Variants in DNPEP observed in about 807,000 individuals in gnomAD.
The protein encoded by DNPEP is aspartyl aminopeptidase.
In DNPEP, 46 loss-of-function variants were observed where a neutral mutation model predicts 59.1. The observed-to-expected ratio is 0.78, with a 90% CI of 0.61 to 0.99. DNPEP has a LOEUF of 0.99. Among genes scored for constraint, DNPEP ranks in the 50% least tolerant of loss-of-function variants. The pLI is 0.00. For synonymous variants in DNPEP, 229 were observed against 242.2 expected (o/e 0.95, Z 0.50); for missense variants, 617 against 649.9 (o/e 0.95, Z 0.55).
At position 219,399,779 on chromosome 2, in the gene DNPEP, C is replaced by T. The variant is rs993676042; in HGVS notation, c.-158+161G>A. 8 of 1,109,648 alleles carry T rather than the reference C, an allele frequency of 7.2e-6. No homozygotes were observed. In the African/African-American group the frequency reaches 1.1e-4, roughly 15 times the overall value. The allele number at this position is 1,109,648 out of a possible 1,614,324, so 68.7% of individuals were successfully genotyped here. On this transcript the variant is annotated intron_variant, in intron 1 of 6. Coordinates refer to the DNPEP transcript ENST00000434339. Reference sequence around the variant, plus strand: ...CATTCATCTCTTTATCCCCATAATGCCTAAGCCAGTGCGTGGCTCATGGAA... The same window carrying T: ...CATTCATCTCTTTATCCCCATAATGTCTAAGCCAGTGCGTGGCTCATGGAA...
intron 13 of DNPEP, among the ~76,000 whole-genome samples, chr2:219,375,632 G>C (rs904828621): frequency 2.0e-5 from 3 of 152,126 alleles, no homozygotes; most frequent in African/African-American, 4.8e-5. Flanking sequence ...CGCAATCTCA[G>C]CTCGCTGCAA....
chr2:219,386,384 C>G lies in DNPEP; in HGVS notation c.361G>C (p.Val121Leu), dbSNP rs764986419. 9.9e-6 allele frequency: 16 copies of G among 1,614,124 alleles called. No homozygotes were observed. The East Asian group carries it at 2.9e-4, about 29-fold the overall frequency. The change falls in exon 5 of 15, where the codon GTG becomes CTG. Residue 121 changes from valine (V) to leucine (L), a missense_variant. Transcript: ENST00000273075. ...TCCACACCGACTTGCTGGAAGCCCA[C>G]CTGGCTGCGGCGAGACCGACGTTTC... ...RVKRRSRRSQ[V>L]GFQQVGVETY...
Position 219,383,140 on chromosome 2 carries a change from G to A in DNPEP, c.927C>T (p.Asp309=), listed in dbSNP as rs1203910495. 1 of 1,614,024 alleles carries A rather than the reference G, an allele frequency of 6.2e-7. No homozygotes were observed. The highest frequency in any genetic ancestry group is 1.3e-5 in the African/African-American group (1 of 74,934). The part of the protein sequence containing the change: ...EPHVRMVTLY[D]NEEVGSESAQ... ...AGAACCCTCCACGTACCTCTTCGTT[G>A]TCATAGAGTGTGACCATGCGCACGT... Residue 309 remains aspartate (D), a synonymous_variant, in exon 10 of 15, where the codon GAC becomes GAT. Coordinates refer to ENST00000273075, the MANE Select transcript of DNPEP (RefSeq NM_012100.4).
chr2:219,383,357 A>C (rs1299279263), intron 9 of DNPEP, 143 bp from the exon 10 acceptor site: 4 of 681,682 alleles, frequency 5.9e-6, no homozygotes, highest in Non-Finnish European at 1.0e-5. Flanking sequence ...CATGGCCATG[A>C]CTTTTATCAA....
chr2:219,380,836 T>C (rs908010315), intron 13 of DNPEP, among the ~76,000 whole-genome samples: 1 of 4,748 alleles, frequency 2.1e-4, no homozygotes, highest in African/African-American at 3.0e-4. Flanking sequence ...ATACAACATA[T>C]ATATGTACAC....
In DNPEP at chr2:219,382,097, C is replaced by T; in HGVS notation, c.979G>A (p.Glu327Lys). 6.2e-7 allele frequency: 1 copy of T among 1,613,546 alleles called. No individual in the cohort carries two copies. Among genetic ancestry groups the T allele is most frequent in the Non-Finnish European group, 8.5e-7 (1 of 1,180,028 alleles). ...SAQGAQSLLT[E>K]LVLRRISASC... ...GCTGAGATCCGCCGCAGCACCAGCT[C>T]TGTCAGCAGTGACTGTGCTCCCTGT... Residue 327 changes from glutamate to lysine, a missense_variant, in exon 11 of 15, where the codon GAG (glutamate) becomes AAG (lysine). Glu to Lys is a moderately conservative substitution (Grantham distance 56). Coordinates refer to ENST00000273075, the MANE Select transcript of DNPEP (RefSeq NM_012100.4).
intron 9 of DNPEP, among the ~76,000 whole-genome samples, chr2:219,383,491 CTT>C (rs796293079): frequency 1.5e-5 from 2 of 132,252 alleles, no homozygotes. Context: ...TTCTTTCTTT[CTT>C]TTTTTTTTTG....
At chr2:219,391,680 G>A (rs1049180522), upstream of DNPEP, among the ~76,000 whole-genome samples, 1 of 151,932 alleles carries the variant, frequency 6.6e-6, no homozygotes, top group African/African-American at 2.4e-5. Context: ...TATTCCACCC[G>A]TACTGTACAT....
chr2:219,380,056 C>T (rs1953524375), intron 13 of DNPEP, among the ~76,000 whole-genome samples: 1 of 152,048 alleles, frequency 6.6e-6, no homozygotes, highest in Non-Finnish European at 1.5e-5. Flanking sequence ...CAATAGTGTA[C>T]AGTAATGTCC....
At chr2:219,377,708 G>A (rs927552462) in intron 13 of DNPEP, among the ~76,000 whole-genome samples, 3 of 152,058 alleles carry the variant, frequency 2.0e-5, no homozygotes, top group Non-Finnish European at 2.9e-5. Flanking sequence ...AGGACTGCTT[G>A]AAGCCAGGAG....
rs758949519 is a variant in DNPEP, at chr2:219,387,816, C to T, written c.-22G>A. 1.9e-6 allele frequency: 3 copies of T among 1,570,472 alleles called. No individual in the cohort carries two copies. The highest frequency in any genetic ancestry group is 2.6e-6 in the Non-Finnish European group (3 of 1,161,382). On this transcript the variant is annotated 5_prime_UTR_variant, in exon 1 of 15. Transcript: ENST00000273075. Reference sequence around the variant, plus strand: ...TCATCTGGCCTCCGGGCTCGGCCCGCCCCCACCGCGCCGCCTGCCCCGCCC... The same window carrying T: ...TCATCTGGCCTCCGGGCTCGGCCCGTCCCCACCGCGCCGCCTGCCCCGCCC...
chr2:219,374,951 C>T lies in DNPEP; in HGVS notation c.1311G>A (p.Leu437=). Residue 437 remains leucine (L), a synonymous_variant, in exon 14 of 15, where the codon CTG becomes CTA. Transcript: ENST00000273075. ...GGGGGCTGCCTAAATCCAGCACCCGCAGCCCCAGCCGAGAAGCCAAGATAG... is the reference window on the plus strand; with the variant it reads ...GGGGGCTGCCTAAATCCAGCACCCGTAGCCCCAGCCGAGAAGCCAAGATAG... ...IGPILASRLG[L]RVLDLGSPQL... 1.9e-6 allele frequency: 3 copies of T among 1,614,168 alleles called. No individual in the cohort carries two copies. The highest frequency in any genetic ancestry group is 3.3e-4 in the Middle Eastern group (2 of 6,058).
intron 1 of DNPEP, among the ~76,000 whole-genome samples, chr2:219,398,589 G>A (rs1954135420): frequency 1.3e-5 from 2 of 152,098 alleles, no homozygotes; most frequent in South Asian, 4.1e-4. Context: ...GATGGAGGTT[G>A]CAGTGAGCCG....
chr2:219,384,957 G>A (rs976028294), intron 8 of DNPEP: 1 of 163,220 alleles, frequency 6.1e-6, no homozygotes, highest in African/African-American at 2.4e-5. Context: ...AGAAAAGGAA[G>A]GGCTGAATTG....
rs145748671 is a variant in DNPEP at position 219,375,552 on chromosome 2, TTTTTA to T, written c.1240-535_1240-531del. 6.6e-3 allele frequency among the ~76,000 whole-genome samples: 998 copies of T among 152,192 alleles called. 3 individuals carry two copies. The highest frequency in any genetic ancestry group is 0.013 in the South Asian group (64 of 4,816). On this transcript the variant is annotated intron_variant, in intron 13 of 14. Coordinates refer to ENST00000273075, the MANE Select transcript of DNPEP (RefSeq NM_012100.4). ...TTAACTCATGATTTTTATTTAAAAA[TTTTTA>T]TTTTATTTTATTTATTTATTTTGAG...
rs1322475817 is a variant in DNPEP, at chr2:219,385,723, G to A, written c.591-17C>T. The A allele has an allele frequency of 1.6e-5, 25 of 1,589,450 alleles. No homozygotes were observed. Among genetic ancestry groups the A allele is most frequent in the Non-Finnish European group, 2.1e-5 (24 of 1,166,674 alleles). On this transcript the variant is annotated splice_polypyrimidine_tract_variant and intron_variant, in intron 6 of 14. Transcript: ENST00000273075. ...ATGGGGACTCTGTGGGGAGACGTGGGTTGTGGGGGGATTGCGAGGAGGGCA... is the reference window on the plus strand; with the variant it reads ...ATGGGGACTCTGTGGGGAGACGTGGATTGTGGGGGGATTGCGAGGAGGGCA...
rs777908016 is a variant in DNPEP, at chr2:219,386,709, C to T, written c.289G>A (p.Gly97Ser). The change falls in exon 4 of 15, where the codon GGC (glycine) becomes AGC (serine). Residue 97 changes from glycine to serine, a missense_variant. By Grantham distance (56) the Gly-to-Ser change is moderately conservative (BLOSUM62 0). Transcript: ENST00000273075. ...GTGTGGGCCCCGATGAGGCTGAAGC[C>T]ATTGCCAGGAACGTACTGGCCCCCT... ...AVGGQYVPGN[G>S]FSLIGAHTDS... 6.2e-7 allele frequency: 1 copy of T among 1,613,136 alleles called. No individual in the cohort carries two copies.
chr2:219,391,661 C>T (rs1954018325), upstream of DNPEP, among the ~76,000 whole-genome samples: 2 of 151,814 alleles, frequency 1.3e-5, no homozygotes. Context: ...CAAGTTGGCC[C>T]CAGCACACTA....
At chr2:219,386,486 T>C (rs1040009) in intron 4 of DNPEP, 75 bp from the exon 5 acceptor site, 1,021,249 of 1,592,568 alleles carry the variant, frequency 0.64, 339,664 homozygotes, top group South Asian at 0.73. Flanking sequence ...TACTCATAAG[T>C]AACAGACAGC....
Sources: allele counts gnomAD v4.1 joint callset (sites outside exome capture counted in the v4.1 genomes callset), GRCh38; gene constraint gnomAD v4.1.1; transcripts MANE v1.5; gene names NCBI Gene and HGNC (gene_info 2026-07-23, HGNC 2026-07-21).